The following MYH13 variants were observed in gnomAD, a reference collection of about 807,000 sequenced individuals.
MYH13 encodes the protein myosin heavy chain 13.
In MYH13, 177 loss-of-function variants were observed where a neutral mutation model predicts 232.1. The observed-to-expected ratio is 0.76, with a 90% CI of 0.67 to 0.86. The LOEUF is 0.86. Among genes scored for constraint, MYH13 ranks in the 40% least tolerant of loss-of-function variants. The probability of loss-of-function intolerance (pLI) is 0.00; values close to 1 mark genes in which losing one functional copy is unlikely to be tolerated. For missense variants in MYH13, 2,246 were observed against 2,405.9 expected (o/e 0.93, Z 1.39); for synonymous variants, 884 against 923.5 (o/e 0.96, Z 0.78).
intron 19 of MYH13, 58 bp from the exon 20 acceptor site, chr17:10,332,280 A>G: frequency 1.3e-6 from 2 of 1,599,928 alleles, no homozygotes; most frequent in Non-Finnish European, 1.7e-6. Flanking sequence ...TTCATAGCTG[A>G]GACCAGCCTT....
At position 10,303,484 on chromosome 17, in the gene MYH13, T is replaced by G; in HGVS notation, c.5481A>C (p.Glu1827Asp). ...TCTTCTGTTCCACATCAAGCTCATT[T>G]TCCAGCTCCCGCACCTGAGTAGGAT... ...QKLENRVREL[E>D]NELDVEQKRG... The change falls in exon 38 of 41, where the codon GAA (glutamate) becomes GAC (aspartate). Residue 1827 changes from glutamate (E) to aspartate (D), a missense_variant. Glu to Asp is a conservative substitution (Grantham distance 45). Coordinates refer to ENST00000252172, the MANE Select transcript of MYH13 (RefSeq NM_003802.3). 1 of 1,613,986 alleles carries G rather than the reference T, an allele frequency of 6.2e-7. No individual in the cohort carries two copies. The highest frequency in any genetic ancestry group is 8.5e-7 in the Non-Finnish European group (1 of 1,179,886).
chr17:10,312,998 A>G (rs1906565698), intron 30 of MYH13, among the ~76,000 whole-genome samples, 160 bp downstream of exon 30: 1 of 152,068 alleles, frequency 6.6e-6, no homozygotes, highest in Admixed American at 6.6e-5. Flanking sequence ...GTTCCCGAGA[A>G]GAAGGACAGG....
In MYH13 at chr17:10,366,381, G is replaced by GTTTTTTTTTT. The variant is rs56798899; in HGVS notation, c.-12-1849_-12-1840dup. Among the ~76,000 whole-genome samples the GTTTTTTTTTT allele has an allele frequency of 6.1e-3, 690 of 112,572 alleles. 48 individuals are homozygous for GTTTTTTTTTT. Among genetic ancestry groups the GTTTTTTTTTT allele is most frequent in the African/African-American group, 0.021 (645 of 30,874 alleles). 73.9% of individuals were successfully genotyped at this position (112,572 alleles called of 152,430 possible). A position where few individuals can be genotyped will look rare whatever the true frequency, so the allele number is the denominator to read the frequency against. Reference sequence around the variant, plus strand: ...CATATCTCTCTTAAGAAATAAATCTGTTTTTTTTTTTTTTTTTGAGATGGA... The same window carrying GTTTTTTTTTT: ...CATATCTCTCTTAAGAAATAAATCTGTTTTTTTTTTTTTTTTTTTTTTTTTTTGAGATGGA... On this transcript the variant is annotated intron_variant, in intron 2 of 40. Transcript: ENST00000252172.
Position 10,345,555 on chromosome 17 carries a change from A to T in MYH13, c.1325T>A (p.Val442Asp). The T allele has an allele frequency of 6.2e-7, 1 of 1,614,200 alleles. No homozygotes were observed. Among genetic ancestry groups the T allele is most frequent in the Non-Finnish European group, 8.5e-7 (1 of 1,180,050 alleles). Residue 442 changes from valine (V) to aspartate (D), a missense_variant, in exon 14 of 41, where the codon GTC becomes GAC. Val to Asp is a radical substitution (Grantham distance 152). Coordinates refer to ENST00000252172, the MANE Select transcript of MYH13 (RefSeq NM_003802.3). ...AVYEKMFLWM[V>D]TRINQQLDTK... Reference sequence around the variant, plus strand: ...GTCCAGCTGCTGGTTGATGCGGGTGACCATCCACAGGAACATCTTCTCGTA... The same window carrying T: ...GTCCAGCTGCTGGTTGATGCGGGTGTCCATCCACAGGAACATCTTCTCGTA...
intron 11 of MYH13, among the ~76,000 whole-genome samples, chr17:10,352,320 G>C (rs1448998341): frequency 1.3e-5 from 2 of 152,022 alleles, no homozygotes; most frequent in African/African-American, 4.8e-5. Context: ...GGCCAGGCGC[G>C]GTAGCTCACA....
chr17:10,306,828 C>G lies in MYH13; in HGVS notation c.5295+111G>C, dbSNP rs575523974. The G allele has an allele frequency of 5.7e-6, 9 of 1,569,320 alleles. No homozygotes were observed. The highest frequency in any genetic ancestry group is 2.3e-4 in the Middle Eastern group (1 of 4,284). ...TCATTACATCTGTCTGGGAAGCCAC[C>G]ACTAACCGATTGTTGTCATAAGAGA... On this transcript the variant is annotated intron_variant, in intron 36 of 40. Coordinates refer to ENST00000252172, the MANE Select transcript of MYH13 (RefSeq NM_003802.3). The surrounding 1 kb of genome is among the most constrained non-coding windows in gnomAD (Gnocchi z 4.3).
chr17:10,364,484 T>A lies in MYH13; in HGVS notation c.47A>T (p.Tyr16Phe). The change falls in exon 3 of 41, where the codon TAC becomes TTC. Residue 16 changes from tyrosine (Y) to phenylalanine (F), a missense_variant. Tyr to Phe is a conservative substitution (Grantham distance 22, BLOSUM62 3). Coordinates refer to ENST00000252172, the MANE Select transcript of MYH13 (RefSeq NM_003802.3). ...TCTCTCCTTCTCTGGTTTCCGGAGGTAGGGAGCTGCTTCTCCAAAAATGGC... is the reference window on the plus strand; with the variant it reads ...TCTCTCCTTCTCTGGTTTCCGGAGGAAGGGAGCTGCTTCTCCAAAAATGGC... ...EMAIFGEAAP[Y>F]LRKPEKERIE... 3 of 1,610,072 alleles carry A rather than the reference T, an allele frequency of 1.9e-6. No individual in the cohort carries two copies. In the South Asian group the frequency reaches 3.3e-5, roughly 18 times the overall value.
At chr17:10,311,431 T>C (rs1025645682) in intron 32 of MYH13, among the ~76,000 whole-genome samples, 3 of 152,136 alleles carry the variant, frequency 2.0e-5, no homozygotes, top group Admixed American at 6.5e-5. Flanking sequence ...AAGTAAAGAA[T>C]AGAAACTTAA....
At chr17:10,362,668 T>C (rs751882021) in intron 3 of MYH13, among the ~76,000 whole-genome samples, 165 bp from the exon 4 acceptor site, 3 of 152,146 alleles carry the variant, frequency 2.0e-5, no homozygotes, top group Non-Finnish European at 4.4e-5. Context: ...TAAATAACAG[T>C]TCTTGAAGAA....
intron 40 of MYH13, 81 bp downstream of exon 40, chr17:10,301,488 C>T: frequency 1.3e-6 from 2 of 1,580,718 alleles, no homozygotes; most frequent in Non-Finnish European, 1.7e-6. Flanking sequence ...GCCTCCCACA[C>T]TCAGGCATTC....
At chr17:10,310,915 T>C (rs536326746) in intron 33 of MYH13, among the ~76,000 whole-genome samples, 188 bp downstream of exon 33, 1 of 152,338 alleles carries the variant, frequency 6.6e-6, no homozygotes, top group Admixed American at 6.5e-5. Context: ...AAAGGGGAAC[T>C]GTGCCAGAGA....
intron 29 of MYH13, among the ~76,000 whole-genome samples, chr17:10,313,842 T>C (rs1906606941): frequency 6.6e-6 from 1 of 152,258 alleles, no homozygotes; most frequent in South Asian, 2.1e-4. Flanking sequence ...TATGGAATGC[T>C]GTGACCAGGA....
At position 10,343,994 on chromosome 17, in the gene MYH13, T is replaced by C. The variant is rs1331921725; in HGVS notation, c.1700A>G (p.Lys567Arg). ...AGCCTTGCCTTTGGCAGGCTTGGGC[T>C]TCTGGAAGTTGTTGGATTTTCCAAG... is the stretch of plus-strand genomic sequence containing the variant. The part of the protein sequence containing the change: ...QHLGKSNNFQ[K>R]PKPAKGKAEA... The change falls in exon 16 of 41, where the codon AAG (lysine) becomes AGG (arginine). Residue 567 changes from lysine (K) to arginine (R), a missense_variant. Transcript: ENST00000252172. 6.2e-7 allele frequency: 1 copy of C among 1,614,230 alleles called. No individual in the cohort carries two copies. Among genetic ancestry groups the C allele is most frequent in the Non-Finnish European group, 8.5e-7 (1 of 1,180,048 alleles).
At chr17:10,303,141 G>T in intron 39 of MYH13, 55 bp downstream of exon 39, 1 of 1,521,220 alleles carries the variant, frequency 6.6e-7, no homozygotes, top group South Asian at 1.1e-5. Context: ...GGGACACCCA[G>T]GATGCCCCAG....
rs1486580097 is a variant in MYH13 at position 10,350,582 on chromosome 17, T to C, written c.1118A>G (p.Glu373Gly). The change falls in exon 12 of 41, where the codon GAG (glutamate) becomes GGG (glycine). Residue 373 changes from glutamate (E) to glycine (G), a missense_variant. Transcript: ENST00000252172. ...TTCGGTGCCGTCTGGCTCCGCCTGC[T>C]CCTCACGCTGCTTCTGCTTGAACTT... ...NMKFKQKQRE[E>G]QAEPDGTEVA... 1 of 1,613,404 alleles carries C rather than the reference T, an allele frequency of 6.2e-7. No homozygotes were observed. The highest frequency in any genetic ancestry group is 8.5e-7 in the Non-Finnish European group (1 of 1,179,954).
rs61543278 is a variant in MYH13, at chr17:10,326,981, G to GTTTTTTTTTTTTTTT, written c.2691+870_2691+884dup. Reference sequence around the variant, plus strand: ...GAGACATGCACCACCATGCCTACTAGTTTTTTTTTTTTTTTTTTTTTTTTT... The same window carrying GTTTTTTTTTTTTTTT: ...GAGACATGCACCACCATGCCTACTAGTTTTTTTTTTTTTTTTTTTTTTTTTTTTTTTTTTTTTTTT... On this transcript the variant is annotated intron_variant, in intron 22 of 40. Transcript: ENST00000252172. Among the ~76,000 whole-genome samples the GTTTTTTTTTTTTTTT allele has an allele frequency of 3.0e-3, 169 of 55,832 alleles. 80 individuals carry two copies. Among genetic ancestry groups the GTTTTTTTTTTTTTTT allele is most frequent in the Middle Eastern group, 0.023 (2 of 86 alleles). 36.6% of individuals were successfully genotyped at this position (55,832 alleles called of 152,430 possible).
At chr17:10,313,013 C>A (rs758196767) in intron 30 of MYH13, 145 bp downstream of exon 30, 35 of 1,352,608 alleles carry the variant, frequency 2.6e-5, no homozygotes, top group Non-Finnish European at 3.3e-5. Flanking sequence ...GACAGGGAGA[C>A]CCCCAGAGGG....
chr17:10,331,407 C>T (rs1220252863), intron 20 of MYH13, among the ~76,000 whole-genome samples: 1 of 152,138 alleles, frequency 6.6e-6, no homozygotes, highest in African/African-American at 2.4e-5. Context: ...TACTATCTAT[C>T]CATGTGTGAC....
chr17:10,323,787 AAAGAAGAAGAAGAAGAAGAAG>A lies in MYH13; in HGVS notation c.2934+214_2934+234del, dbSNP rs571033999. ...CACAAAAAAAAAAAAAAAAAAAAAA[AAAGAAGAAGAAGAAGAAGAAG>A]AAGAAGAAGAAGAAGAAGAAGAAGA... is the stretch of plus-strand genomic sequence containing the variant. On this transcript the variant is annotated intron_variant, in intron 23 of 40. Transcript: ENST00000252172. Among the ~76,000 whole-genome samples, 147 of 66,718 alleles carry A rather than the reference AAAGAAGAAGAAGAAGAAGAAG, an allele frequency of 2.2e-3. 1 individual carries two copies. The East Asian group carries it at 0.026, about 12-fold the overall frequency. The allele number at this position is 66,718 out of a possible 152,430, so 43.8% of individuals were successfully genotyped here. A position where few individuals can be genotyped will look rare whatever the true frequency, so the allele number is the denominator to read the frequency against.
Sources: allele counts gnomAD v4.1 joint callset (sites outside exome capture counted in the v4.1 genomes callset), GRCh38; gene constraint gnomAD v4.1.1; non-coding constraint Gnocchi (gnomAD v3.1); transcripts MANE v1.5; gene names NCBI Gene and HGNC (gene_info 2026-07-23, HGNC 2026-07-21).